Variants in COLEC10 observed in about 807,000 individuals in gnomAD.
The protein encoded by COLEC10 is collectin subfamily member 10.
A neutral mutation model predicts 28.4 loss-of-function variants in COLEC10; 22 were observed. That is an observed-to-expected ratio of 0.78 (90% CI 0.55 to 1.11). The LOEUF (loss-of-function observed/expected upper bound fraction) is 1.11. Ranked by LOEUF, COLEC10 falls within the 50% of genes least tolerant of loss-of-function variation. COLEC10 has a pLI of 0.00. For missense variants in COLEC10, 361 were observed against 344.1 expected, an observed-to-expected ratio of 1.05 and a Z score of -0.39; for synonymous variants, 125 against 116.1, an observed-to-expected ratio of 1.08 and a Z score of -0.49.
intron 2 of COLEC10, among the ~76,000 whole-genome samples, chr8:119,049,401 C>CTATTTTT (rs1814636664): frequency 5.0e-5 from 3 of 60,082 alleles, no homozygotes; most frequent in Admixed American, 2.4e-4. Flanking sequence ...ATTTTCTTTT[C>CTATTTTT]TTTTTTTTTT....
chr8:118,960,400 C>T, the COLEC10 span, among the ~76,000 whole-genome samples: 2 of 152,110 alleles, frequency 1.3e-5, no homozygotes, highest in Admixed American at 1.3e-4. Context: ...AGTACTTTTG[C>T]ATACTTTATT....
intron 1 of COLEC10, among the ~76,000 whole-genome samples, chr8:119,077,243 A>ATTTTGTTTTTT (rs1815258027): frequency 1.1e-5 from 1 of 90,292 alleles, no homozygotes; most frequent in Non-Finnish European, 2.1e-5. Context: ...GTAGAGAATG[A>ATTTTGTTTTTT]TTTTTTTTTT....
At chr8:119,034,184 T>C (rs950731406) in intron 2 of COLEC10, among the ~76,000 whole-genome samples, 65 of 151,224 alleles carry the variant, frequency 4.3e-4, no homozygotes, top group African/African-American at 1.3e-3. Flanking sequence ...TAAGTGGGAG[T>C]TGAACAATGA....
chr8:118,965,177 A>G, the COLEC10 span, among the ~76,000 whole-genome samples: 4 of 151,722 alleles, frequency 2.6e-5, no homozygotes, highest in Non-Finnish European at 5.9e-5. Flanking sequence ...CTATTATTAT[A>G]AGATACAGAG....
chr8:119,069,880 T>C (rs1183104356), intron 1 of COLEC10, among the ~76,000 whole-genome samples: 1 of 151,890 alleles, frequency 6.6e-6, no homozygotes, highest in African/African-American at 2.4e-5. Flanking sequence ...GCTAATCATC[T>C]CATTACTGTA....
chr8:118,982,761 A>T, the COLEC10 span: 2 of 153,114 alleles, frequency 1.3e-5, no homozygotes, highest in African/African-American at 4.8e-5. Flanking sequence ...ACAGCCTGAG[A>T]GCCTGAGAGC....
intron 1 of COLEC10, among the ~76,000 whole-genome samples, chr8:119,071,956 G>A (rs894221683): frequency 1.3e-5 from 2 of 152,144 alleles, no homozygotes; most frequent in East Asian, 1.9e-4. Flanking sequence ...GGGGGCCATG[G>A]CCATTGTGCC....
chr8:119,027,979 A>G (rs1257611349), intron 2 of COLEC10, among the ~76,000 whole-genome samples: 2 of 151,086 alleles, frequency 1.3e-5, no homozygotes, highest in Non-Finnish European at 2.9e-5. Flanking sequence ...TTTCACCCTT[A>G]ATTTTCTCAG....
chr8:119,085,104 G>C (rs1815446413), intron 1 of COLEC10, among the ~76,000 whole-genome samples: 1 of 152,206 alleles, frequency 6.6e-6, no homozygotes, highest in Admixed American at 6.5e-5. Flanking sequence ...ACTGAGATTG[G>C]AAGAAATGAA....
At chr8:119,091,109 T>A (rs759220305) in intron 2 of COLEC10, 40 bp from the exon 3 acceptor site, 3 of 1,532,318 alleles carry the variant, frequency 2.0e-6, no homozygotes, top group Admixed American at 3.4e-5. Flanking sequence ...CAAGGGAAGA[T>A]AAAACCTTAT....
the COLEC10 span, among the ~76,000 whole-genome samples, chr8:118,965,278 CA>C: frequency 2.0e-5 from 3 of 152,194 alleles, no homozygotes; most frequent in African/African-American, 7.2e-5. Context: ...ATAGAGAACT[CA>C]GGCTCTTTCT....
chr8:119,092,821 G>A (rs992746662), intron 3 of COLEC10, among the ~76,000 whole-genome samples: 9 of 151,986 alleles, frequency 5.9e-5, no homozygotes, highest in East Asian at 1.9e-4. Context: ...TACAAGAATC[G>A]CTTGAACCTG....
chr8:118,977,550 T>A, the COLEC10 span, among the ~76,000 whole-genome samples: 1 of 134,728 alleles, frequency 7.4e-6, no homozygotes, highest in Non-Finnish European at 1.5e-5. Flanking sequence ...AACTGAACAA[T>A]GAGAACACAT....
chr8:118,977,258 C>A, the COLEC10 span, among the ~76,000 whole-genome samples: 1 of 145,204 alleles, frequency 6.9e-6, no homozygotes, highest in Non-Finnish European at 1.5e-5. Flanking sequence ...GGGTATATAC[C>A]CAAAGGACTA....
chr8:118,989,806 C>T, the COLEC10 span, among the ~76,000 whole-genome samples: 18 of 151,914 alleles, frequency 1.2e-4, no homozygotes, highest in African/African-American at 2.7e-4. Flanking sequence ...TTGAGTATCC[C>T]TTATCCAAAA....
chr8:118,985,650 C>T, the COLEC10 span, among the ~76,000 whole-genome samples: 2,489 of 152,022 alleles, frequency 0.016, 65 homozygotes, highest in African/African-American at 0.057. Context: ...CCAGATATAA[C>T]ATACAGTTCT....
intron 2 of COLEC10, among the ~76,000 whole-genome samples, chr8:119,044,500 C>G (rs1229841851): frequency 6.6e-6 from 1 of 151,812 alleles, no homozygotes; most frequent in Non-Finnish European, 1.5e-5. Flanking sequence ...TCGTTTTTAA[C>G]AAACAAAATG....
rs959433355 is a variant in COLEC10 at position 119,013,172 on chromosome 8, C to T, written n.235+3619C>T. ...TTTTGACAAGTTGTATTTTTATTTT[C>T]ATTTAATTTAAAATATTTTTAAATC... is the stretch of plus-strand genomic sequence containing the variant. On this transcript the variant is annotated intron_variant and non_coding_transcript_variant, in intron 2 of 6. Coordinates refer to the COLEC10 transcript ENST00000521788. Among the ~76,000 whole-genome samples the T allele has an allele frequency of 1.8e-4, 27 of 150,504 alleles. 2 individuals are homozygous for T. Among genetic ancestry groups the T allele is most frequent in the African/African-American group, 6.7e-4 (27 of 40,360 alleles).
At chr8:118,985,136 C>T in the COLEC10 span, among the ~76,000 whole-genome samples, 1 of 152,008 alleles carries the variant, frequency 6.6e-6, no homozygotes, top group Non-Finnish European at 1.5e-5. Flanking sequence ...GAGAGCATGG[C>T]CCTTCCAAAA....
Sources: allele counts gnomAD v4.1 joint callset (sites outside exome capture counted in the v4.1 genomes callset), GRCh38; gene constraint gnomAD v4.1.1; transcripts MANE v1.5; gene names NCBI Gene and HGNC (gene_info 2026-07-23, HGNC 2026-07-21).